Variants in CACNG3 observed in about 807,000 individuals in gnomAD.
CACNG3 encodes the protein calcium voltage-gated channel auxiliary subunit gamma 3, also known as voltage-dependent calcium channel gamma-3 subunit.
A neutral mutation model predicts 28.5 loss-of-function variants in CACNG3; 3 were observed. That is an observed-to-expected ratio of 0.11 (90% CI 0.05 to 0.27). The LOEUF (loss-of-function observed/expected upper bound fraction) is 0.27. Ranked by LOEUF, CACNG3 falls within the 10% of genes least tolerant of loss-of-function variation. The probability of loss-of-function intolerance (pLI) is 1.00; values close to 1 mark genes in which losing one functional copy is unlikely to be tolerated. For missense variants in CACNG3, 236 were observed against 414.4 expected, an observed-to-expected ratio of 0.57 and a Z score of 3.74; for synonymous variants, 174 against 162.2, an observed-to-expected ratio of 1.07 and a Z score of -0.55.
Position 24,354,748 on chromosome 16 carries a change from CCT to C in CACNG3, c.296-81_296-80del, listed in dbSNP as rs146330453. ...CTCTGTTCTCTTCCTGTGCTGCCTTCCTCTCAGGCACTCCTGCGCTTGCAATG... is the reference window on the plus strand; with the variant it reads ...CTCTGTTCTCTTCCTGTGCTGCCTTCCTCAGGCACTCCTGCGCTTGCAATG... On this transcript the variant is annotated intron_variant, in intron 2 of 3. Transcript: ENST00000005284. 1,824 of 1,371,750 alleles carry C rather than the reference CCT, an allele frequency of 1.3e-3. 20 individuals are homozygous for C. The African/African-American group carries it at 0.023, about 18-fold the overall frequency. The allele number at this position is 1,371,750 out of a possible 1,614,324, so 85.0% of individuals were successfully genotyped here. A position where few individuals can be genotyped will look rare whatever the true frequency, so the allele number is the denominator to read the frequency against.
At chr16:24,355,638 G>T (rs1012529108) in intron 3 of CACNG3, among the ~76,000 whole-genome samples, 2 of 152,048 alleles carry the variant, frequency 1.3e-5, no homozygotes, top group African/African-American at 4.8e-5. Context: ...TGTTCACTTG[G>T]GCATGTTAAT....
intron 1 of CACNG3, among the ~76,000 whole-genome samples, chr16:24,275,336 C>A (rs11866573): frequency 6.6e-6 from 1 of 152,118 alleles, no homozygotes; most frequent in African/African-American, 2.4e-5. Context: ...TCACCACTCA[C>A]TTGCAGGGGA....
At chr16:24,322,905 C>A (rs752343315) in intron 1 of CACNG3, among the ~76,000 whole-genome samples, 6 of 152,136 alleles carry the variant, frequency 3.9e-5, no homozygotes. Context: ...CCTTGCAATC[C>A]ACTCACATAT....
chr16:24,256,916 T>C lies in CACNG3; in HGVS notation c.162T>C (p.Asn54=), dbSNP rs1898466559. ...GTGATAATGAAACCAGCAGGAAGAA[T>C]GAAGAAGTAATGACCCATTCGGGGC... ...STSDNETSRK[N]EEVMTHSGLW... Residue 54 remains asparagine, a synonymous_variant, in exon 1 of 4, where the codon AAT becomes AAC. Transcript: ENST00000005284. This position sits in a 1 kb window ranked among gnomAD's most constrained non-coding sequence, Gnocchi z 4.6. 6.2e-7 allele frequency: 1 copy of C among 1,613,906 alleles called. No individual in the cohort carries two copies.
At chr16:24,257,356 A>G (rs8051637) in intron 1 of CACNG3, among the ~76,000 whole-genome samples, 105,286 of 106,050 alleles carry the variant, frequency 0.99, 52,261 homozygotes, top group South Asian at 1. Context: ...ACAAGAGGAA[A>G]GAAGTGAGGG....
At chr16:24,268,665 A>G (rs1165404781) in intron 1 of CACNG3, among the ~76,000 whole-genome samples, 5 of 152,210 alleles carry the variant, frequency 3.3e-5, no homozygotes, top group African/African-American at 1.2e-4. Context: ...TTTTTCTTTA[A>G]AAAAGTAACA....
intron 1 of CACNG3, among the ~76,000 whole-genome samples, chr16:24,323,218 T>TGAA (rs1899488284): frequency 3.9e-5 from 1 of 25,570 alleles, no homozygotes; most frequent in Admixed American, 6.4e-4. Flanking sequence ...AGAGCAGGAC[T>TGAA]CAAAAAAAAA....
At chr16:24,336,146 C>T (rs1301154300) in intron 1 of CACNG3, among the ~76,000 whole-genome samples, 1 of 151,568 alleles carries the variant, frequency 6.6e-6, no homozygotes, top group Non-Finnish European at 1.5e-5. Flanking sequence ...AATCGCTTGA[C>T]CCTGGGAGGC....
intron 1 of CACNG3, among the ~76,000 whole-genome samples, chr16:24,339,138 C>T (rs1191019074): frequency 6.6e-6 from 1 of 152,112 alleles, no homozygotes; most frequent in Non-Finnish European, 1.5e-5. Context: ...TCTCTATGTA[C>T]ATCTATTCTT....
chr16:24,283,600 A>G (rs955466107), intron 1 of CACNG3, among the ~76,000 whole-genome samples: 3 of 152,240 alleles, frequency 2.0e-5, no homozygotes, highest in Admixed American at 2.0e-4. Context: ...TTGCTTTTCC[A>G]GGTAAAACAA....
intron 1 of CACNG3, among the ~76,000 whole-genome samples, chr16:24,335,884 A>C (rs1899696499): frequency 6.6e-6 from 1 of 152,006 alleles, no homozygotes; most frequent in African/African-American, 2.4e-5. Flanking sequence ...AGACCAGCCT[A>C]GCCAACATGG....
chr16:24,325,449 G>C (rs1899528282), intron 1 of CACNG3, among the ~76,000 whole-genome samples: 1 of 152,168 alleles, frequency 6.6e-6, no homozygotes. Flanking sequence ...AGAAACACTC[G>C]GGACCCTGGG....
chr16:24,317,639 AAAGAAAAGAAAAGAAAG>A (rs1246576700), intron 1 of CACNG3, among the ~76,000 whole-genome samples: 2 of 44,214 alleles, frequency 4.5e-5, no homozygotes, highest in African/African-American at 9.1e-5. Flanking sequence ...AGACAGAAAG[AAAGAAAAGAAAAGAAAG>A]AAAGAAAGAA....
intron 1 of CACNG3, among the ~76,000 whole-genome samples, chr16:24,334,525 G>T (rs1392398112): frequency 6.6e-6 from 1 of 152,198 alleles, no homozygotes; most frequent in Admixed American, 6.5e-5. Context: ...CCATCAAGAG[G>T]CTCTACTGAT....
chr16:24,259,047 A>G (rs1441685505), intron 1 of CACNG3, among the ~76,000 whole-genome samples: 1 of 152,258 alleles, frequency 6.6e-6, no homozygotes, highest in African/African-American at 2.4e-5. Context: ...CTGTAGGCTT[A>G]GTGGGAGAAG....
intron 1 of CACNG3, among the ~76,000 whole-genome samples, chr16:24,300,337 C>G (rs1899090304): frequency 6.6e-6 from 1 of 151,824 alleles, no homozygotes; most frequent in African/African-American, 2.4e-5. Flanking sequence ...AGAGGCCAGG[C>G]AGGTTACGCG....
At chr16:24,257,179 G>T (rs75140334) in intron 1 of CACNG3, among the ~76,000 whole-genome samples, 3 of 152,050 alleles carry the variant, frequency 2.0e-5, no homozygotes, top group Non-Finnish European at 4.4e-5. Context: ...AGCTTCATGA[G>T]ATGAGATTTT....
At chr16:24,303,778 G>A (rs1899146750) in intron 1 of CACNG3, among the ~76,000 whole-genome samples, 1 of 152,092 alleles carries the variant, frequency 6.6e-6, no homozygotes, top group Non-Finnish European at 1.5e-5. Flanking sequence ...AATTAGCTGG[G>A]CTTGGTGGTA....
intron 3 of CACNG3, 37 bp downstream of exon 3, chr16:24,355,010 T>C (rs760217765): frequency 1.9e-6 from 3 of 1,595,430 alleles, no homozygotes; most frequent in Non-Finnish European, 1.7e-6. Context: ...TCTTCACAGA[T>C]ACCAAACTGA....
Sources: gnomAD v4.1 joint callset for allele counts (sites outside exome capture counted in the v4.1 genomes callset) on GRCh38, gnomAD v4.1.1 for gene constraint, Gnocchi (gnomAD v3.1) non-coding constraint, MANE v1.5 for transcripts, NCBI Gene and HGNC (gene_info 2026-07-23, HGNC 2026-07-21) for gene names.